IDO1: variants seen among roughly 807,000 people sequenced by gnomAD.
The protein encoded by IDO1 is indoleamine 2,3-dioxygenase 1.
A neutral mutation model predicts 38.8 loss-of-function variants in IDO1; 35 were observed. The ratio of observed to expected loss-of-function variants is 0.90; its 90% CI spans 0.69 to 1.20. The LOEUF (loss-of-function observed/expected upper bound fraction) is 1.20. Among genes scored for constraint, IDO1 ranks in the 50% most tolerant of loss-of-function variants. IDO1 has a pLI of 0.00. For missense variants in IDO1, 509 were observed against 485.1 expected, an observed-to-expected ratio of 1.05 and a Z score of -0.46; for synonymous variants, 171 against 170.0, an observed-to-expected ratio of 1.01 and a Z score of -0.05.
rs558540924 is a variant in IDO1, at chr8:39,928,452, G to A, written c.*267G>A. ...AAAAATGCATAAGATATATTCTGTC[G>A]GCTGGGCGCGGTGGCTCACGCCTGT... On this transcript the variant is annotated 3_prime_UTR_variant, in exon 10 of 10. Transcript: ENST00000518237. The A allele has an allele frequency of 1.5e-5, 4 of 275,666 alleles. No homozygotes were observed. The highest frequency in any genetic ancestry group is 2.2e-5 in the African/African-American group (1 of 45,322). 17.1% of individuals were successfully genotyped at this position (275,666 alleles called of 1,614,324 possible).
rs35059413 is a variant in IDO1, at chr8:39,913,932, G to T, written c.10G>T (p.Ala4Ser). MAH[A>S]MENSWTISKE... ...GGAGCAGACTACAAGAATGGCACAC[G>T]CTATGGAAAACTCCTGGACAATCAG... Residue 4 changes from alanine to serine, a missense_variant, in exon 1 of 10, where the codon GCT (alanine) becomes TCT (serine). Physicochemically the swap from Ala to Ser is moderately conservative, Grantham distance 99 (BLOSUM62 1). Coordinates refer to ENST00000518237, the MANE Select transcript of IDO1 (RefSeq NM_002164.6). The T allele has an allele frequency of 6.4e-7, 1 of 1,569,178 alleles. No individual in the cohort carries two copies. The highest frequency in any genetic ancestry group is 1.4e-5 in the African/African-American group (1 of 73,886).
rs370900557 is a variant in IDO1, at chr8:39,927,972, C to G, written c.999C>G (p.Asp333Glu). The change falls in exon 10 of 10, where the codon GAC becomes GAG. Residue 333 changes from aspartate to glutamate, a missense_variant. Physicochemically the swap from Asp to Glu is conservative, Grantham distance 45. Transcript: ENST00000518237. The stretch of plus-strand genomic sequence containing the variant: ...ATGCTGGCCTGCGGGAAGCTTATGA[C>G]GCCTGTGTGAAAGCTCTGGTCTCCC... The part of the protein sequence containing the change: ...KGDAGLREAY[D>E]ACVKALVSLR... 6.2e-7 allele frequency: 1 copy of G among 1,604,628 alleles called. No individual in the cohort carries two copies. Among genetic ancestry groups the G allele is most frequent in the East Asian group, 2.2e-5 (1 of 44,668 alleles).
Position 39,918,101 on chromosome 8 carries a change from G to A in IDO1, c.197G>A (p.Ser66Asn), listed in dbSNP as rs746277432. 1.2e-6 allele frequency: 2 copies of A among 1,613,960 alleles called. No homozygotes were observed. Among genetic ancestry groups the A allele is most frequent in the Non-Finnish European group, 1.7e-6 (2 of 1,179,884 alleles). The change falls in exon 3 of 10, where the codon AGC becomes AAC. Residue 66 changes from serine (S) to asparagine (N), a missense_variant. Coordinates refer to ENST00000518237, the MANE Select transcript of IDO1 (RefSeq NM_002164.6). The stretch of plus-strand genomic sequence containing the variant: ...ATTTGTTTTCAGTTAAACATGCTCA[G>A]CATTGATCATCTCACAGACCACAAG... ...RERVEKLNML[S>N]IDHLTDHKSQ...
chr8:39,919,038 G>A (rs781148933), intron 4 of IDO1, 105 bp downstream of exon 4: 2 of 789,274 alleles, frequency 2.5e-6, no homozygotes, highest in East Asian at 4.9e-5. Flanking sequence ...TTTCCTCTCA[G>A]CTGGGTATGG....
Position 39,918,183 on chromosome 8 carries a change from C to T in IDO1, c.279C>T (p.Gly93=), listed in dbSNP as rs1200015887. The change falls in exon 3 of 10, where the codon GGC becomes GGT. Residue 93 remains glycine, a synonymous_variant. Coordinates refer to ENST00000518237, the MANE Select transcript of IDO1 (RefSeq NM_002164.6). The part of the protein sequence containing the change: ...LGCITMAYVW[G]KGHGDVRKVL... ...GCATCACCATGGCATATGTGTGGGG[C>T]AAAGGTCATGGAGATGTCCGTAAGG... is the stretch of plus-strand genomic sequence containing the variant. 6.2e-7 allele frequency: 1 copy of T among 1,613,746 alleles called. No individual in the cohort carries two copies. The highest frequency in any genetic ancestry group is 1.3e-5 in the African/African-American group (1 of 75,012).
At position 39,913,932 on chromosome 8, in the gene IDO1, G is replaced by A. The variant is rs35059413; in HGVS notation, c.10G>A (p.Ala4Thr). ...GGAGCAGACTACAAGAATGGCACAC[G>A]CTATGGAAAACTCCTGGACAATCAG... Reference protein sequence around the residue: MAHAMENSWTISKE... With the variant: MAHTMENSWTISKE... Residue 4 changes from alanine (A) to threonine (T), a missense_variant, in exon 1 of 10, where the codon GCT becomes ACT. By Grantham distance (58) the Ala-to-Thr change is moderately conservative (BLOSUM62 0). Transcript: ENST00000518237. 3,021 of 1,569,164 alleles carry A rather than the reference G, an allele frequency of 1.9e-3. 39 individuals are homozygous for A. The African/African-American group carries it at 0.035, about 18-fold the overall frequency.
At position 39,927,900 on chromosome 8, in the gene IDO1, A is replaced by C; in HGVS notation, c.927A>C (p.Ser309=). The change falls in exon 10 of 10, where the codon TCA becomes TCC. Residue 309 remains serine, a synonymous_variant. Coordinates refer to ENST00000518237, the MANE Select transcript of IDO1 (RefSeq NM_002164.6). ...MPPAHRNFLC[S]LESNPSVREF... ...CAGCTCACAGGAACTTCCTGTGCTC[A>C]TTAGAGTCAAATCCCTCAGTCCGTG... The C allele has an allele frequency of 1.2e-6, 2 of 1,606,334 alleles. No homozygotes were observed. Among genetic ancestry groups the C allele is most frequent in the Non-Finnish European group, 1.7e-6 (2 of 1,176,110 alleles).
At chr8:39,923,650 T>C (rs575969113) in intron 7 of IDO1, 64 bp downstream of exon 7, 4 of 944,880 alleles carry the variant, frequency 4.2e-6, no homozygotes, top group Admixed American at 4.8e-5. Context: ...TGTAGAATAG[T>C]TGAAAAAAGG....
chr8:39,921,370 T>C (rs1807269002), intron 5 of IDO1, among the ~76,000 whole-genome samples: 1 of 152,046 alleles, frequency 6.6e-6, no homozygotes, highest in African/African-American at 2.4e-5. Flanking sequence ...GGAGAATAGC[T>C]TGAACCCAGG....
intron 5 of IDO1, 27 bp from the exon 6 acceptor site, chr8:39,922,525 C>A: frequency 6.8e-7 from 1 of 1,477,678 alleles, no homozygotes; most frequent in Non-Finnish European, 9.5e-7. Context: ...TGCTAAACTT[C>A]TTGCCTTCCT....
intron 1 of IDO1, 116 bp from the exon 2 acceptor site, chr8:39,917,759 C>T (rs1807196009): frequency 1.5e-6 from 1 of 671,958 alleles, no homozygotes; most frequent in African/African-American, 1.8e-5. Context: ...GACAGGTAAG[C>T]CATATGCCAG....
At chr8:39,927,271 C>T (rs1807375993) in intron 9 of IDO1, among the ~76,000 whole-genome samples, 1 of 152,032 alleles carries the variant, frequency 6.6e-6, no homozygotes, top group African/African-American at 2.4e-5. Context: ...AAAGAAAGTG[C>T]AAACAAAGGC....
At chr8:39,919,342 A>G (rs1163125919) in intron 4 of IDO1, among the ~76,000 whole-genome samples, 1 of 152,152 alleles carries the variant, frequency 6.6e-6, no homozygotes, top group African/African-American at 2.4e-5. Flanking sequence ...ATTGGGTTTC[A>G]TATCAATGAA....
intron 1 of IDO1, among the ~76,000 whole-genome samples, chr8:39,915,403 A>T (rs543068195): frequency 6.6e-6 from 1 of 152,320 alleles, no homozygotes; most frequent in Admixed American, 6.5e-5. Context: ...AGCACCTTTA[A>T]ACACAGCAAA....
intron 1 of IDO1, among the ~76,000 whole-genome samples, chr8:39,914,860 G>C (rs1475455088): frequency 6.6e-6 from 1 of 152,160 alleles, no homozygotes; most frequent in Non-Finnish European, 1.5e-5. Context: ...CTGCCTCCTA[G>C]GTTCAAGCGA....
intron 5 of IDO1, among the ~76,000 whole-genome samples, chr8:39,921,303 A>C (rs1807268071): frequency 6.6e-6 from 1 of 152,114 alleles, no homozygotes; most frequent in Admixed American, 6.6e-5. Context: ...AAATGCAAAA[A>C]TTAGCGGGGC....
intron 4 of IDO1, 103 bp downstream of exon 4, chr8:39,919,036 C>T (rs754916893): frequency 2.0e-5 from 16 of 794,234 alleles, no homozygotes; most frequent in Admixed American, 6.8e-5. Flanking sequence ...GCTTTCCTCT[C>T]AGCTGGGTAT....
At chr8:39,927,802 G>C in intron 9 of IDO1, 28 bp from the exon 10 acceptor site, 1 of 1,421,728 alleles carries the variant, frequency 7.0e-7, no homozygotes, top group Non-Finnish European at 9.4e-7. Flanking sequence ...TGTGACCTCC[G>C]TATTTCCTCT....
At chr8:39,914,112 A>G in intron 1 of IDO1, 103 bp downstream of exon 1, 1 of 748,878 alleles carries the variant, frequency 1.3e-6, no homozygotes, top group Non-Finnish European at 2.3e-6. Context: ...AACTTCTAGT[A>G]AACAAACACA....
Sources: gnomAD v4.1 joint callset for allele counts (sites outside exome capture counted in the v4.1 genomes callset) on GRCh38, gnomAD v4.1.1 for gene constraint, MANE v1.5 for transcripts, NCBI Gene and HGNC (gene_info 2026-07-23, HGNC 2026-07-21) for gene names.